The following PATJ variants were observed in gnomAD, a reference collection of about 807,000 sequenced individuals.
The protein encoded by PATJ is inaD-like protein.
A neutral mutation model predicts 224.9 loss-of-function variants in PATJ; 190 were observed. The observed-to-expected ratio is 0.84, with a 90% CI of 0.75 to 0.95. The LOEUF is 0.95. Ranked by LOEUF, PATJ falls within the 40% of genes least tolerant of loss-of-function variation. PATJ has a pLI of 0.00. For synonymous variants in PATJ, 769 were observed against 820.3 expected (o/e 0.94, Z 1.07); for missense variants, 2,121 against 2,270.3 (o/e 0.93, Z 1.34).
chr1:61,857,532 A>C (rs1021050413), intron 18 of PATJ, among the ~76,000 whole-genome samples: 1 of 152,244 alleles, frequency 6.6e-6, no homozygotes, highest in African/African-American at 2.4e-5. Context: ...TGTATGCAGC[A>C]TGTCTGAAAC....
At chr1:61,782,700 A>G (rs1262470869) in intron 7 of PATJ, among the ~76,000 whole-genome samples, 1 of 152,222 alleles carries the variant, frequency 6.6e-6, no homozygotes, top group African/African-American at 2.4e-5. Context: ...TAAAAGGCCT[A>G]TCTCCCTGTA....
chr1:62,062,718 A>G (rs1434706723), intron 31 of PATJ, among the ~76,000 whole-genome samples: 1 of 151,866 alleles, frequency 6.6e-6, no homozygotes, highest in Non-Finnish European at 1.5e-5. Flanking sequence ...GTTGATGTAG[A>G]ACTCCTAGCT....
chr1:62,037,094 C>T (rs1230543276), intron 29 of PATJ, among the ~76,000 whole-genome samples: 1 of 151,930 alleles, frequency 6.6e-6, no homozygotes, highest in Non-Finnish European at 1.5e-5. Context: ...ATACATGGGT[C>T]ATATGGAGAG....
At chr1:61,978,102 A>G (rs906432632) in intron 27 of PATJ, among the ~76,000 whole-genome samples, 9 of 151,076 alleles carry the variant, frequency 6.0e-5, no homozygotes, top group Non-Finnish European at 1.2e-4. Flanking sequence ...GAAAGTCATC[A>G]TTTTCTTATT....
chr1:61,900,131 G>T lies in PATJ; in HGVS notation c.3203+477G>T, dbSNP rs77099325. Among the ~76,000 whole-genome samples the T allele has an allele frequency of 5.3e-3, 800 of 152,214 alleles. 11 individuals carry two copies. Among genetic ancestry groups the T allele is most frequent in the Non-Finnish European group, 8.1e-3 (549 of 68,002 alleles). ...GGGAAGTTTTAAGTACTCACCAGTC[G>T]CTGTAGTTTTAAGTCCTCACCAGGG... On this transcript the variant is annotated intron_variant, in intron 23 of 43. Coordinates refer to ENST00000642238, the MANE Select transcript of PATJ (RefSeq NM_001350145.3).
chr1:61,957,953 T>C (rs1051666940), intron 27 of PATJ, among the ~76,000 whole-genome samples: 2 of 152,202 alleles, frequency 1.3e-5, no homozygotes, highest in African/African-American at 4.8e-5. Flanking sequence ...AAACCAAGGA[T>C]AATGCTACCT....
chr1:61,958,808 C>T (rs1680804414), intron 27 of PATJ, among the ~76,000 whole-genome samples: 1 of 152,190 alleles, frequency 6.6e-6, no homozygotes. Flanking sequence ...TCTGGAGCCT[C>T]ACTTTCTTAA....
chr1:61,905,895 G>C (rs921332515), intron 24 of PATJ, among the ~76,000 whole-genome samples: 1 of 152,110 alleles, frequency 6.6e-6, no homozygotes, highest in Non-Finnish European at 1.5e-5. Flanking sequence ...GATAGTATCA[G>C]ATCCCCAGCG....
chr1:61,921,126 C>A (rs752950012), intron 26 of PATJ, among the ~76,000 whole-genome samples: 2 of 152,010 alleles, frequency 1.3e-5, no homozygotes, highest in Non-Finnish European at 1.5e-5. Flanking sequence ...TTTTTTTAAA[C>A]CTTTATCTAC....
chr1:61,781,318 G>C (rs376631420), intron 7 of PATJ, among the ~76,000 whole-genome samples: 2 of 152,202 alleles, frequency 1.3e-5, no homozygotes, highest in South Asian at 2.1e-4. Flanking sequence ...AGCCATAGGG[G>C]ACAGAGCACT....
intron 28 of PATJ, among the ~76,000 whole-genome samples, chr1:62,012,215 C>T (rs1216264721): frequency 4.6e-5 from 7 of 152,118 alleles, no homozygotes; most frequent in East Asian, 1.9e-4. Context: ...TAGAAATTAT[C>T]TCATTTTTTA....
chr1:61,858,116 C>T (rs1294379959), intron 18 of PATJ, among the ~76,000 whole-genome samples: 1 of 152,100 alleles, frequency 6.6e-6, no homozygotes, highest in Non-Finnish European at 1.5e-5. Flanking sequence ...GTTCTACAGC[C>T]TGTACAGGAA....
chr1:61,807,105 C>T (rs1360713706), intron 13 of PATJ, among the ~76,000 whole-genome samples: 1 of 152,060 alleles, frequency 6.6e-6, no homozygotes, highest in African/African-American at 2.4e-5. Context: ...GAGCTGAGAT[C>T]GTGCCACTGC....
chr1:62,083,635 A>T (rs1659568320), intron 32 of PATJ, among the ~76,000 whole-genome samples: 1 of 152,032 alleles, frequency 6.6e-6, no homozygotes. Flanking sequence ...TCCTCTATGA[A>T]CCCCGCAAGT....
At chr1:61,811,579 C>T (rs1654772381) in intron 14 of PATJ, among the ~76,000 whole-genome samples, 1 of 151,260 alleles carries the variant, frequency 6.6e-6, no homozygotes, top group Non-Finnish European at 1.5e-5. Context: ...CATGAAATTG[C>T]TCTTTAATTT....
intron 1 of PATJ, among the ~76,000 whole-genome samples, chr1:61,746,140 C>T (rs1381219438): frequency 1.3e-5 from 2 of 151,748 alleles, no homozygotes; most frequent in Non-Finnish European, 2.9e-5. Context: ...CAGGGTTTTG[C>T]CATGTTGGCC....
intron 26 of PATJ, among the ~76,000 whole-genome samples, chr1:61,916,224 T>A (rs1419541330): frequency 6.6e-6 from 1 of 152,128 alleles, no homozygotes; most frequent in Non-Finnish European, 1.5e-5. Flanking sequence ...AAAATAAAAA[T>A]ATAAACCTAC....
At chr1:62,117,110 G>C (rs767903831) in intron 36 of PATJ, 22 bp from the exon 37 acceptor site, 1 of 1,590,924 alleles carries the variant, frequency 6.3e-7, no homozygotes, top group East Asian at 2.2e-5. Context: ...TTTCATTTCT[G>C]TTCTTTTCTT....
At chr1:62,135,687 A>T (rs1570753361) in intron 41 of PATJ, among the ~76,000 whole-genome samples, 1 of 152,322 alleles carries the variant, frequency 6.6e-6, no homozygotes, top group East Asian at 1.9e-4. Context: ...CTTTTACTAA[A>T]GTCTCACCTT....
Sources: gnomAD v4.1 joint callset for allele counts (sites outside exome capture counted in the v4.1 genomes callset) on GRCh38, gnomAD v4.1.1 for gene constraint, MANE v1.5 for transcripts, NCBI Gene and HGNC (gene_info 2026-07-23, HGNC 2026-07-21) for gene names.